NCKAP5: variants seen among roughly 807,000 people sequenced by gnomAD.
NCKAP5 encodes the protein nck-associated protein 5.
In NCKAP5, 92 loss-of-function variants were observed where a neutral mutation model predicts 167.0. The observed-to-expected ratio is 0.55, with a 90% CI of 0.47 to 0.66. The LOEUF (loss-of-function observed/expected upper bound fraction) is 0.66. NCKAP5 is among the 30% of genes least tolerant of loss of function. The pLI, the probability that NCKAP5 is intolerant of heterozygous loss-of-function variation, is 0.00. For synonymous variants in NCKAP5, 891 were observed against 877.4 expected (o/e 1.02, Z -0.27); for missense variants, 2,378 against 2,315.0 (o/e 1.03, Z -0.56).
At chr2:133,387,383 T>G (rs1687061198) in intron 3 of NCKAP5, among the ~76,000 whole-genome samples, 1 of 152,252 alleles carries the variant, frequency 6.6e-6, no homozygotes, top group Admixed American at 6.5e-5. Context: ...CCCCACTCTC[T>G]TCTGGCTCAT....
At position 132,783,015 on chromosome 2, in the gene NCKAP5, G is replaced by C; in HGVS notation, c.3796C>G (p.Leu1266Val). Residue 1266 changes from leucine (L) to valine (V), a missense_variant, in exon 14 of 20, where the codon CTG becomes GTG. By Grantham distance (32) the Leu-to-Val change is conservative. This residue lies in a region of NCKAP5 where 1,325 missense variants were observed against 1,274.5 expected (regional missense o/e 1.04). Transcript: ENST00000409261. ...SSSKPHLKPA[L>V]GMNGAKARSH... Reference sequence around the variant, plus strand: ...CGGGCTTTGGCGCCATTCATACCCAGAGCTGGTTTTAGGTGTGGTTTGCTG... The same window carrying C: ...CGGGCTTTGGCGCCATTCATACCCACAGCTGGTTTTAGGTGTGGTTTGCTG... 1 of 1,613,884 alleles carries C rather than the reference G, an allele frequency of 6.2e-7. No individual in the cohort carries two copies. Among genetic ancestry groups the C allele is most frequent in the Non-Finnish European group, 8.5e-7 (1 of 1,179,864 alleles).
At chr2:133,056,612 T>C (rs1442775205) in intron 6 of NCKAP5, among the ~76,000 whole-genome samples, 1 of 152,188 alleles carries the variant, frequency 6.6e-6, no homozygotes, top group African/African-American at 2.4e-5. Context: ...ACGACCAGGA[T>C]AGTTAAAGGC....
intron 11 of NCKAP5, among the ~76,000 whole-genome samples, chr2:132,836,629 T>C (rs2105395166): frequency 6.6e-6 from 1 of 152,256 alleles, no homozygotes; most frequent in East Asian, 1.9e-4. Flanking sequence ...TGTGAGATCC[T>C]GGTGCACCCA....
chr2:133,580,280 T>C, the NCKAP5 span, among the ~76,000 whole-genome samples: 1 of 152,204 alleles, frequency 6.6e-6, no homozygotes, highest in East Asian at 1.9e-4. Context: ...TAGAGATAAA[T>C]AAATTTTTTA....
rs75560716 is a variant in NCKAP5 at position 133,309,689 on chromosome 2, T to C, written c.70-6579A>G. Among the ~76,000 whole-genome samples, 125 of 152,342 alleles carry C rather than the reference T, an allele frequency of 8.2e-4. No individual in the cohort carries two copies. In the East Asian group the frequency reaches 0.023, roughly 28 times the overall value. On this transcript the variant is annotated intron_variant, in intron 3 of 19. Transcript: ENST00000409261. ...AACATTTAAAGTGATTAGAGGTTTA[T>C]AGATACACTGAACATTGCAGGTCTT...
intron 8 of NCKAP5, among the ~76,000 whole-genome samples, chr2:132,941,575 A>C (rs964154925): frequency 3.3e-5 from 5 of 152,188 alleles, no homozygotes; most frequent in African/African-American, 9.7e-5. Flanking sequence ...CCTGCCTGAG[A>C]ATAAGATAAA....
At chr2:133,055,380 T>C (rs1309045556) in intron 6 of NCKAP5, among the ~76,000 whole-genome samples, 2 of 151,952 alleles carry the variant, frequency 1.3e-5, no homozygotes. Context: ...CTGAAGCAGT[T>C]CATTTTTATC....
intron 6 of NCKAP5, among the ~76,000 whole-genome samples, chr2:133,069,540 C>T (rs1483804520): frequency 6.6e-6 from 1 of 152,176 alleles, no homozygotes; most frequent in African/African-American, 2.4e-5. Context: ...GCCATTGTTG[C>T]TTAATGGGTT....
intron 5 of NCKAP5, among the ~76,000 whole-genome samples, chr2:133,132,639 T>C (rs1240298126): frequency 6.6e-6 from 1 of 151,440 alleles, no homozygotes; most frequent in Non-Finnish European, 1.5e-5. Context: ...TTGACAATAA[T>C]CCACACCTAC....
chr2:132,987,382 A>G (rs542955438), intron 7 of NCKAP5, among the ~76,000 whole-genome samples: 18 of 152,354 alleles, frequency 1.2e-4, no homozygotes, highest in Middle Eastern at 3.4e-3. Flanking sequence ...TGCTTTCCAC[A>G]TACCATAAAA....
intron 8 of NCKAP5, among the ~76,000 whole-genome samples, chr2:132,919,888 T>C (rs1365452851): frequency 6.6e-6 from 1 of 152,200 alleles, no homozygotes; most frequent in African/African-American, 2.4e-5. Context: ...GAGCAGTAAG[T>C]ATCTGCAAAG....
intron 3 of NCKAP5, among the ~76,000 whole-genome samples, chr2:133,323,069 A>T (rs1394889866): frequency 6.6e-6 from 1 of 152,180 alleles, no homozygotes; most frequent in Non-Finnish European, 1.5e-5. Flanking sequence ...TCCCTCATTT[A>T]TCCTTCCACC....
chr2:132,757,991 C>A (rs986832013), intron 16 of NCKAP5, among the ~76,000 whole-genome samples: 38 of 152,138 alleles, frequency 2.5e-4, no homozygotes, highest in African/African-American at 9.2e-4. Flanking sequence ...CTGCATACAC[C>A]CTAGGGATTT....
the NCKAP5 span, among the ~76,000 whole-genome samples, chr2:133,589,422 G>A: frequency 2.0e-5 from 3 of 152,154 alleles, no homozygotes; most frequent in African/African-American, 7.2e-5. Context: ...TTGGGAGTCT[G>A]TTCTGAATAA....
chr2:133,418,096 T>C (rs1689235836), intron 3 of NCKAP5, among the ~76,000 whole-genome samples: 1 of 152,210 alleles, frequency 6.6e-6, no homozygotes, highest in Non-Finnish European at 1.5e-5. Context: ...ATGTGCAACA[T>C]ATGATTTAAG....
intron 5 of NCKAP5, among the ~76,000 whole-genome samples, chr2:133,184,036 C>G (rs1048131443): frequency 3.3e-5 from 5 of 151,906 alleles, no homozygotes; most frequent in Non-Finnish European, 5.9e-5. Context: ...TTGTGTGATG[C>G]TGAATTTTCA....
At chr2:133,116,714 C>T (rs1490610390) in intron 6 of NCKAP5, among the ~76,000 whole-genome samples, 5 of 152,080 alleles carry the variant, frequency 3.3e-5, no homozygotes, top group African/African-American at 1.2e-4. Flanking sequence ...TTGTAGTGTA[C>T]AACAGGAAGA....
At chr2:132,905,368 T>C (rs1411549561) in intron 8 of NCKAP5, among the ~76,000 whole-genome samples, 1 of 152,202 alleles carries the variant, frequency 6.6e-6, no homozygotes, top group Non-Finnish European at 1.5e-5. Flanking sequence ...TAAGTTCACA[T>C]CGTTTCAATA....
chr2:133,298,175 G>T (rs1680099697), intron 4 of NCKAP5, among the ~76,000 whole-genome samples: 1 of 152,108 alleles, frequency 6.6e-6, no homozygotes, highest in Non-Finnish European at 1.5e-5. Flanking sequence ...GTGAAGTCAG[G>T]ATCTGTTGGC....
Sources: allele counts gnomAD v4.1 joint callset (sites outside exome capture counted in the v4.1 genomes callset), GRCh38; gene constraint gnomAD v4.1.1; regional missense constraint gnomAD v4.1.1; transcripts MANE v1.5; gene names NCBI Gene and HGNC (gene_info 2026-07-23, HGNC 2026-07-21).